The following DENND2C variants were observed in gnomAD, a reference collection of about 807,000 sequenced individuals.
DENND2C encodes DENN domain-containing protein 2C.
In DENND2C, 72 loss-of-function variants were observed where a neutral mutation model predicts 112.4. The observed-to-expected ratio is 0.64, with a 90% CI of 0.53 to 0.78. DENND2C has a LOEUF of 0.78. DENND2C is among the 30% of genes least tolerant of loss of function. The probability of loss-of-function intolerance (pLI) is 0.00; values close to 1 mark genes in which losing one functional copy is unlikely to be tolerated. For missense variants in DENND2C, 992 were observed against 1,113.8 expected (o/e 0.89, Z 1.56); for synonymous variants, 329 against 381.6 (o/e 0.86, Z 1.61).
In DENND2C at chr1:114,600,907, T is replaced by C. The variant is rs780787477; in HGVS notation, c.1869A>G (p.Pro623=). Reference sequence around the variant, plus strand: ...GAGCTTCCATGACACTTCGCATGAATGGGTAAACAAGGGCTGGAGACATTT... The same window carrying C: ...GAGCTTCCATGACACTTCGCATGAACGGGTAAACAAGGGCTGGAGACATTT... ...RREMSPALVY[P]FMRSVMEAPF... Residue 623 remains proline, a synonymous_variant, in exon 14 of 21, where the codon CCA becomes CCG. Coordinates refer to ENST00000393274, the MANE Select transcript of DENND2C (RefSeq NM_001256404.2). The C allele has an allele frequency of 7.1e-5, 114 of 1,613,932 alleles. No homozygotes were observed. The highest frequency in any genetic ancestry group is 8.6e-5 in the Non-Finnish European group (101 of 1,179,916).
intron 3 of DENND2C, among the ~76,000 whole-genome samples, chr1:114,636,280 A>G (rs1656654044): frequency 6.6e-6 from 1 of 152,210 alleles, no homozygotes; most frequent in South Asian, 2.1e-4. Context: ...TGCTGATATC[A>G]CAATAAGTGG....
intron 12 of DENND2C, among the ~76,000 whole-genome samples, chr1:114,601,915 C>T (rs1474022313): frequency 6.6e-6 from 1 of 152,146 alleles, no homozygotes; most frequent in African/African-American, 2.4e-5. Context: ...CTATTATAAA[C>T]AAATAAAATA....
rs759871325 is a variant in DENND2C at position 114,625,759 on chromosome 1, G to A, written c.226C>T (p.Arg76Cys). 9.3e-6 allele frequency: 15 copies of A among 1,613,798 alleles called. No individual in the cohort carries two copies. The highest frequency in any genetic ancestry group is 4.0e-5 in the African/African-American group (3 of 74,812). The stretch of plus-strand genomic sequence containing the variant: ...TTTATATCTAGACCCACATTTTCAC[G>A]GCTGGTTACATCCAAGTTTTTGCTC... ...RKSKNLDVTS[R>C]ENVGLDINEN... The change falls in exon 4 of 21, where the codon CGT (arginine) becomes TGT (cysteine). Residue 76 changes from arginine to cysteine, a missense_variant. By Grantham distance (180) the Arg-to-Cys change is radical. Transcript: ENST00000393274.
intron 10 of DENND2C, among the ~76,000 whole-genome samples, chr1:114,608,159 C>T (rs1462865457): frequency 2.0e-5 from 3 of 152,042 alleles, no homozygotes; most frequent in African/African-American, 4.8e-5. Flanking sequence ...CGCCTGTAGT[C>T]CCAGCTACTC....
chr1:114,659,039 T>C (rs910952773), intron 1 of DENND2C, among the ~76,000 whole-genome samples: 28 of 152,206 alleles, frequency 1.8e-4, no homozygotes, highest in African/African-American at 6.5e-4. Flanking sequence ...ATCAAGTGTA[T>C]TGATGTGATA....
chr1:114,623,211 T>C, intron 5 of DENND2C, 112 bp from the exon 6 acceptor site: 1 of 993,320 alleles, frequency 1.0e-6, no homozygotes, highest in Non-Finnish European at 1.4e-6. Context: ...TATTCTACAT[T>C]GCTGTAGGGA....
intron 1 of DENND2C, among the ~76,000 whole-genome samples, chr1:114,664,004 T>C (rs1160808125): frequency 1.3e-5 from 2 of 150,128 alleles, no homozygotes; most frequent in African/African-American, 4.9e-5. Context: ...AATGGCACGA[T>C]CTTGGCTAAC....
At position 114,625,565 on chromosome 1, in the gene DENND2C, T is replaced by C. The variant is rs376191952; in HGVS notation, c.420A>G (p.Pro140=). The C allele has an allele frequency of 3.1e-6, 5 of 1,614,170 alleles. No individual in the cohort carries two copies. The highest frequency in any genetic ancestry group is 4.2e-6 in the Non-Finnish European group (5 of 1,180,008). Residue 140 remains proline, a synonymous_variant, in exon 4 of 21, where the codon CCA becomes CCG. Coordinates refer to ENST00000393274, the MANE Select transcript of DENND2C (RefSeq NM_001256404.2). ...GTATTTGTGAGGTATAGAAGTTTCC[T>C]GGAGGTAATGAAGTCTCTGGATCTA... ...DVLDPETSLP[P]GNFYTSQILW... is the part of the protein sequence containing the mutation.
chr1:114,588,806 A>C (rs1655111890), intron 18 of DENND2C, among the ~76,000 whole-genome samples: 1 of 152,068 alleles, frequency 6.6e-6, no homozygotes, highest in South Asian at 2.1e-4. Flanking sequence ...TTGCCCAGGC[A>C]CTTGTCTCAA....
intron 1 of DENND2C, among the ~76,000 whole-genome samples, chr1:114,666,776 C>T (rs531797265): frequency 5.3e-4 from 80 of 152,210 alleles, no homozygotes; most frequent in Non-Finnish European, 1.1e-3. Context: ...TTTTACTTAC[C>T]TAAGTCTGTA....
intron 3 of DENND2C, among the ~76,000 whole-genome samples, chr1:114,641,238 G>A (rs1255832412): frequency 4.1e-5 from 6 of 144,592 alleles, no homozygotes; most frequent in African/African-American, 1.3e-4. Context: ...ACCAGCCTGG[G>A]CAACATAGCG....
chr1:114,585,566 T>G lies in DENND2C; in HGVS notation c.*34A>C. On this transcript the variant is annotated 3_prime_UTR_variant, in exon 21 of 21. Coordinates refer to ENST00000393274, the MANE Select transcript of DENND2C (RefSeq NM_001256404.2). ...GAAAAATATTTTCTTTGGCACTTTC[T>G]GTTGTATATTCAGGATGGAGACAAT... is the stretch of plus-strand genomic sequence containing the variant. The G allele has an allele frequency of 1.2e-6, 2 of 1,610,080 alleles. No individual in the cohort carries two copies. Among genetic ancestry groups the G allele is most frequent in the Non-Finnish European group, 1.7e-6 (2 of 1,177,250 alleles).
intron 2 of DENND2C, among the ~76,000 whole-genome samples, chr1:114,647,148 T>G: frequency 7.8e-6 from 1 of 128,262 alleles, no homozygotes; most frequent in Non-Finnish European, 1.6e-5. Context: ...GGCAAAAGAG[T>G]GAGATTCTAT....
intron 17 of DENND2C, chr1:114,595,604 A>G: frequency 2.2e-6 from 1 of 449,208 alleles, no homozygotes; most frequent in African/African-American, 2.0e-5. Flanking sequence ...TTTGAGAATG[A>G]GACATTTATG....
chr1:114,586,620 T>C (rs1655046068), intron 20 of DENND2C: 2 of 152,274 alleles, frequency 1.3e-5, no homozygotes, highest in South Asian at 4.1e-4. Flanking sequence ...TTTAAGGCTA[T>C]ATTGCTGATC....
Position 114,618,490 on chromosome 1 carries a change from A to C in DENND2C, c.1228-8T>G. ...ATCTATTTTCAATACAAGCTGAAAAAAGACCAGAAAAATACAAATTAAGAC... is the reference window on the plus strand; with the variant it reads ...ATCTATTTTCAATACAAGCTGAAAACAGACCAGAAAAATACAAATTAAGAC... On this transcript the variant is annotated splice_region_variant and splice_polypyrimidine_tract_variant and intron_variant, in intron 7 of 20. Coordinates refer to ENST00000393274, the MANE Select transcript of DENND2C (RefSeq NM_001256404.2). 2 of 1,525,922 alleles carry C rather than the reference A, an allele frequency of 1.3e-6. No individual in the cohort carries two copies. Among genetic ancestry groups the C allele is most frequent in the African/African-American group, 2.8e-5 (2 of 71,492 alleles). The allele number at this position is 1,525,922 out of a possible 1,614,324, so 94.5% of individuals were successfully genotyped here.
At chr1:114,613,398 T>C (rs1366714094) in intron 8 of DENND2C, among the ~76,000 whole-genome samples, 1 of 152,142 alleles carries the variant, frequency 6.6e-6, no homozygotes, top group Admixed American at 6.6e-5. Flanking sequence ...TAAGAGAACA[T>C]TAAAATAAAT....
At chr1:114,632,899 T>C (rs1407568508) in intron 3 of DENND2C, among the ~76,000 whole-genome samples, 2 of 152,004 alleles carry the variant, frequency 1.3e-5, no homozygotes, top group African/African-American at 4.8e-5. Context: ...TTCTTCAAGT[T>C]GAAGAAAAAA....
rs11346651 is a variant in DENND2C at position 114,639,583 on chromosome 1, GAA to G, written c.-205+5863_-205+5864del. 4.6e-3 allele frequency among the ~76,000 whole-genome samples: 602 copies of G among 130,064 alleles called. 7 individuals carry two copies. Among genetic ancestry groups the G allele is most frequent in the East Asian group, 0.012 (52 of 4,350 alleles). 85.3% of individuals were successfully genotyped at this position (130,064 alleles called of 152,430 possible). ...GGCAGCAGGAGGGAGACTCCATCTTGAAAAAAAAAAAAAAAGAATTTTTATTT... is the reference window on the plus strand; with the variant it reads ...GGCAGCAGGAGGGAGACTCCATCTTGAAAAAAAAAAAAAGAATTTTTATTT... On this transcript the variant is annotated intron_variant, in intron 3 of 20. Transcript: ENST00000393274.
Sources: allele counts gnomAD v4.1 joint callset (sites outside exome capture counted in the v4.1 genomes callset), GRCh38; gene constraint gnomAD v4.1.1; transcripts MANE v1.5; gene names NCBI Gene and HGNC (gene_info 2026-07-23, HGNC 2026-07-21).